ZFR: variants seen among roughly 807,000 people sequenced by gnomAD.
ZFR encodes zinc finger RNA binding protein.
A neutral mutation model predicts 130.7 loss-of-function variants in ZFR; 19 were observed. The observed-to-expected ratio is 0.15, with a 90% CI of 0.10 to 0.21. The LOEUF (loss-of-function observed/expected upper bound fraction) is 0.21, where lower values mean the gene tolerates loss of function less well. Among genes scored for constraint, ZFR ranks in the 10% least tolerant of loss-of-function variants. The pLI, the probability that ZFR is intolerant of heterozygous loss-of-function variation, is 1.00. For synonymous variants in ZFR, 466 were observed against 456.9 expected (o/e 1.02, Z -0.25); for missense variants, 872 against 1,321.5 (o/e 0.66, Z 5.27).
intron 19 of ZFR, among the ~76,000 whole-genome samples, chr5:32,359,420 C>T (rs188710571): frequency 3.9e-5 from 6 of 152,160 alleles, no homozygotes; most frequent in Non-Finnish European, 7.4e-5. Context: ...ACTGGATACC[C>T]CTGCCCTAAA....
intron 6 of ZFR, among the ~76,000 whole-genome samples, chr5:32,406,389 CTA>C (rs1381930088): frequency 1.3e-5 from 2 of 152,110 alleles, no homozygotes; most frequent in African/African-American, 2.4e-5. Flanking sequence ...CAGTAACCTG[CTA>C]TATTAAGTTA....
At chr5:32,401,235 C>T (rs961580345) in intron 8 of ZFR, among the ~76,000 whole-genome samples, 4 of 152,134 alleles carry the variant, frequency 2.6e-5, no homozygotes, top group African/African-American at 9.7e-5. Flanking sequence ...CTGGATACGG[C>T]GCTAAGTTCT....
intron 14 of ZFR, 133 bp downstream of exon 14, chr5:32,387,416 C>A: frequency 2.1e-6 from 2 of 967,524 alleles, no homozygotes; most frequent in Non-Finnish European, 1.5e-6. Context: ...CACAATCAAA[C>A]AAAAAAACTC....
chr5:32,408,859 C>A (rs756317206), intron 5 of ZFR, among the ~76,000 whole-genome samples: 1 of 152,156 alleles, frequency 6.6e-6, no homozygotes, highest in African/African-American at 2.4e-5. Context: ...TATCTTAAAA[C>A]TTTATATACT....
chr5:32,388,058 A>G (rs1380957883), intron 13 of ZFR, among the ~76,000 whole-genome samples: 1 of 152,098 alleles, frequency 6.6e-6, no homozygotes, highest in African/African-American at 2.4e-5. Flanking sequence ...AACTTGACAT[A>G]AAGACATTAC....
At chr5:32,419,681 A>T (rs1413933792) in intron 3 of ZFR, 140 bp downstream of exon 3, 40 of 1,423,734 alleles carry the variant, frequency 2.8e-5, no homozygotes, top group Non-Finnish European at 3.5e-5. Flanking sequence ...CTACCAAGGA[A>T]TACTCATTTA....
At chr5:32,419,208 C>T (rs1056144961) in intron 3 of ZFR, among the ~76,000 whole-genome samples, 7 of 152,088 alleles carry the variant, frequency 4.6e-5, no homozygotes, top group Non-Finnish European at 1.0e-4. Context: ...AACAAACAAA[C>T]AAACTTGGGG....
intron 11 of ZFR, chr5:32,394,337 A>C (rs994220761): frequency 5.9e-6 from 1 of 169,254 alleles, no homozygotes; most frequent in Admixed American, 6.5e-5. Flanking sequence ...AAACACGCTA[A>C]GTGAACGATG....
At chr5:32,368,915 A>T (rs773375795) in intron 17 of ZFR, among the ~76,000 whole-genome samples, 15 of 152,256 alleles carry the variant, frequency 9.9e-5, no homozygotes, top group Non-Finnish European at 2.1e-4. Flanking sequence ...AATTGTACAT[A>T]CAAAAGCCAC....
At chr5:32,379,579 T>C (rs1373152181) in intron 16 of ZFR, 1 of 250,328 alleles carries the variant, frequency 4.0e-6, no homozygotes, top group African/African-American at 2.3e-5. Context: ...TAAGGAAATC[T>C]GTTTGGTTTC....
chr5:32,436,662 TAC>T (rs1463030439), intron 2 of ZFR, among the ~76,000 whole-genome samples: 1 of 152,158 alleles, frequency 6.6e-6, no homozygotes, highest in Non-Finnish European at 1.5e-5. Context: ...TTATTAATAA[TAC>T]AGAGTCTCAC....
At chr5:32,434,654 G>C (rs189672793) in intron 2 of ZFR, among the ~76,000 whole-genome samples, 2 of 152,306 alleles carry the variant, frequency 1.3e-5, no homozygotes, top group East Asian at 3.9e-4. Context: ...ATACGTGATA[G>C]AGGAAATAAT....
chr5:32,361,390 T>C (rs376075691), intron 19 of ZFR, among the ~76,000 whole-genome samples: 58 of 152,314 alleles, frequency 3.8e-4, no homozygotes, highest in Admixed American at 8.5e-4. Context: ...GTTTCTCTAC[T>C]TCACTTAAGT....
At chr5:32,398,212 C>T (rs953462850) in intron 9 of ZFR, among the ~76,000 whole-genome samples, 2 of 152,100 alleles carry the variant, frequency 1.3e-5, no homozygotes, top group African/African-American at 4.8e-5. Flanking sequence ...TTAAATGTAG[C>T]TAGATGTCTT....
At chr5:32,420,516 A>G (rs997075208) in intron 2 of ZFR, among the ~76,000 whole-genome samples, 3 of 152,228 alleles carry the variant, frequency 2.0e-5, no homozygotes, top group Non-Finnish European at 4.4e-5. Context: ...CAAAGAAACC[A>G]TAAGAAAAAT....
chr5:32,439,531 G>A (rs1288721290), intron 2 of ZFR, among the ~76,000 whole-genome samples: 1 of 152,176 alleles, frequency 6.6e-6, no homozygotes, highest in Non-Finnish European at 1.5e-5. Context: ...AAAATCATTA[G>A]ATGAGATGCC....
At chr5:32,399,953 T>C in intron 9 of ZFR, 54 bp downstream of exon 9, 1 of 1,456,278 alleles carries the variant, frequency 6.9e-7, no homozygotes, top group Admixed American at 2.1e-5. Flanking sequence ...ATGCTCGTAA[T>C]GCACTTCTTC....
At chr5:32,367,490 A>C (rs377267964) in intron 17 of ZFR, among the ~76,000 whole-genome samples, 2 of 136,962 alleles carry the variant, frequency 1.5e-5, no homozygotes, top group Non-Finnish European at 3.2e-5. Context: ...ATAAATAAAT[A>C]ACTCACTGTA....
In ZFR at chr5:32,368,967, CAA is replaced by C. The variant is rs1491096460; in HGVS notation, c.2836-4694_2836-4693del. 3.1e-5 allele frequency among the ~76,000 whole-genome samples: 4 copies of C among 127,272 alleles called. No individual in the cohort carries two copies. The East Asian group carries it at 1.1e-3, about 36-fold the overall frequency. The allele number at this position is 127,272 out of a possible 152,430, so 83.5% of individuals were successfully genotyped here. The stretch of plus-strand genomic sequence containing the variant: ...ACATGGATCACTATTGACACATGCA[CAA>C]CAGACTTTGATTTGTAAGCCCATTT... On this transcript the variant is annotated intron_variant, in intron 17 of 19. Transcript: ENST00000265069.
Sources: allele counts gnomAD v4.1 joint callset (sites outside exome capture counted in the v4.1 genomes callset), GRCh38; gene constraint gnomAD v4.1.1; transcripts MANE v1.5; gene names NCBI Gene and HGNC (gene_info 2026-07-23, HGNC 2026-07-21).